Variants in ANXA10 observed in about 807,000 individuals in gnomAD.
ANXA10 encodes annexin 14.
In ANXA10, 49 loss-of-function variants were observed where a neutral mutation model predicts 53.5. The observed-to-expected ratio is 0.92, with a 90% confidence interval of 0.73 to 1.16. The LOEUF (loss-of-function observed/expected upper bound fraction) is 1.16. Ranked by LOEUF, ANXA10 falls within the 50% of genes most tolerant of loss-of-function variation. The pLI, the probability that ANXA10 is intolerant of heterozygous loss-of-function variation, is 0.00. For synonymous variants in ANXA10, 131 were observed against 128.9 expected (o/e 1.02, Z -0.11); for missense variants, 393 against 394.4 (o/e 1.00, Z 0.03).
At chr4:168,156,625 TCCCAA>T (rs1274971194) in intron 3 of ANXA10, among the ~76,000 whole-genome samples, 1 of 150,826 alleles carries the variant, frequency 6.6e-6, no homozygotes, top group African/African-American at 2.4e-5. Context: ...TGCCTCAGCC[TCCCAA>T]GTAGCTGGAA....
chr4:168,148,425 A>G (rs1731440535), intron 3 of ANXA10, among the ~76,000 whole-genome samples: 1 of 152,116 alleles, frequency 6.6e-6, no homozygotes. Context: ...TTGGCCTCCC[A>G]AAGTGCTGGG....
intron 1 of ANXA10, chr4:168,127,760 A>C (rs1356662307): frequency 1.9e-6 from 1 of 527,088 alleles, no homozygotes; most frequent in South Asian, 1.6e-5. Context: ...TTTTGTAGTA[A>C]TTTAAACACA....
intron 6 of ANXA10, among the ~76,000 whole-genome samples, chr4:168,172,563 C>T (rs1001279202): frequency 6.6e-6 from 1 of 152,014 alleles, no homozygotes; most frequent in African/African-American, 2.4e-5. Flanking sequence ...CTACCATGTG[C>T]CAAGCATGAT....
At chr4:168,093,309 A>C (rs547661523) in intron 1 of ANXA10, among the ~76,000 whole-genome samples, 6 of 152,270 alleles carry the variant, frequency 3.9e-5, no homozygotes, top group East Asian at 1.9e-4. Flanking sequence ...GAATAGAAGC[A>C]ATGTATAACA....
chr4:168,161,630 T>C (rs1731786934), intron 3 of ANXA10, among the ~76,000 whole-genome samples: 1 of 152,324 alleles, frequency 6.6e-6, no homozygotes, highest in Non-Finnish European at 1.5e-5. Context: ...GGGGATAGCA[T>C]TGAATCTATA....
intron 2 of ANXA10, among the ~76,000 whole-genome samples, chr4:168,138,537 G>T (rs1167477352): frequency 6.6e-6 from 1 of 152,090 alleles, no homozygotes; most frequent in African/African-American, 2.4e-5. Flanking sequence ...GATGACTTTG[G>T]CTTTGTTCTC....
intron 3 of ANXA10, among the ~76,000 whole-genome samples, chr4:168,142,128 T>C (rs1453470278): frequency 6.6e-6 from 1 of 152,154 alleles, no homozygotes; most frequent in African/African-American, 2.4e-5. Flanking sequence ...TCTATTAATA[T>C]GTAAGCGGTG....
chr4:168,155,508 A>G (rs1181843934), intron 3 of ANXA10, among the ~76,000 whole-genome samples: 1 of 19,892 alleles, frequency 5.0e-5, no homozygotes, highest in Admixed American at 8.9e-4. Flanking sequence ...ATTATATATT[A>G]TAAAATATAT....
In ANXA10 at chr4:168,092,637, A is replaced by T; in HGVS notation, c.-64A>T. On this transcript the variant is annotated 5_prime_UTR_variant, in exon 1 of 12. Transcript: ENST00000359299. ...GAACCTTAATTCTTTCTGGCTTCAC[A>T]GTGAAACAAGTTTATGCAATCGATC... 6.8e-7 allele frequency: 1 copy of T among 1,475,742 alleles called. No homozygotes were observed. The highest frequency in any genetic ancestry group is 9.3e-7 in the Non-Finnish European group (1 of 1,069,882). 91.4% of individuals were successfully genotyped at this position (1,475,742 alleles called of 1,614,324 possible). A position where few individuals can be genotyped will look rare whatever the true frequency, so the allele number is the denominator to read the frequency against.
intron 6 of ANXA10, among the ~76,000 whole-genome samples, chr4:168,169,964 G>A (rs1467207533): frequency 6.6e-6 from 1 of 152,160 alleles, no homozygotes; most frequent in Admixed American, 6.5e-5. Context: ...AATGAAACAT[G>A]AGGGAAAATA....
chr4:168,183,009 GAAAAAAAAA>G (rs747151480), intron 10 of ANXA10, among the ~76,000 whole-genome samples: 1 of 93,392 alleles, frequency 1.1e-5, no homozygotes, highest in African/African-American at 3.6e-5. Flanking sequence ...CACCGTCTCG[GAAAAAAAAA>G]AAAAAAAAAA....
intron 10 of ANXA10, among the ~76,000 whole-genome samples, chr4:168,182,574 C>T (rs934915615): frequency 6.7e-6 from 1 of 148,744 alleles, no homozygotes; most frequent in African/African-American, 2.5e-5. Context: ...ACTTCGTGAT[C>T]CGCCCGCCTC....
intron 6 of ANXA10, among the ~76,000 whole-genome samples, chr4:168,169,538 T>A (rs905344017): frequency 6.6e-6 from 1 of 152,188 alleles, no homozygotes; most frequent in East Asian, 1.9e-4. Flanking sequence ...GAACATTCCA[T>A]AATTAACAGG....
chr4:168,175,680 G>T (rs1161856156), intron 6 of ANXA10, among the ~76,000 whole-genome samples: 1 of 152,118 alleles, frequency 6.6e-6, no homozygotes, highest in Non-Finnish European at 1.5e-5. Flanking sequence ...AATAAGAATT[G>T]CATATGTGCA....
chr4:168,096,131 T>C (rs1730536801), intron 1 of ANXA10, among the ~76,000 whole-genome samples: 1 of 152,176 alleles, frequency 6.6e-6, no homozygotes, highest in Non-Finnish European at 1.5e-5. Context: ...CTAGGAGTGA[T>C]TGCAGACTGA....
intron 1 of ANXA10, among the ~76,000 whole-genome samples, chr4:168,108,869 C>T (rs2149465833): frequency 6.6e-6 from 1 of 152,284 alleles, no homozygotes; most frequent in Middle Eastern, 3.4e-3. Context: ...TCACCTCATT[C>T]CCCATGGCAG....
chr4:168,110,530 A>C (rs1336884690), intron 1 of ANXA10, among the ~76,000 whole-genome samples: 1 of 151,306 alleles, frequency 6.6e-6, no homozygotes, highest in Non-Finnish European at 1.5e-5. Flanking sequence ...AAAATAGTTT[A>C]AGGTAAAAAT....
At chr4:168,110,088 G>A (rs1251543373) in intron 1 of ANXA10, among the ~76,000 whole-genome samples, 1 of 152,182 alleles carries the variant, frequency 6.6e-6, no homozygotes, top group Admixed American at 6.5e-5. Flanking sequence ...GCGGGTGCCT[G>A]TAATCTCAGC....
At chr4:168,115,103 G>T (rs74892421) in intron 1 of ANXA10, among the ~76,000 whole-genome samples, 3,360 of 152,106 alleles carry the variant, frequency 0.022, 121 homozygotes, top group African/African-American at 0.073. Flanking sequence ...GGCTGGTCTG[G>T]AACTCCTGGG....
Sources: gnomAD v4.1 joint callset for allele counts (sites outside exome capture counted in the v4.1 genomes callset) on GRCh38, gnomAD v4.1.1 for gene constraint, MANE v1.5 for transcripts, NCBI Gene and HGNC (gene_info 2026-07-23, HGNC 2026-07-21) for gene names.